The following DOCK3 variants were observed in gnomAD, a reference collection of about 807,000 sequenced individuals.
DOCK3 encodes the protein dedicator of cytokinesis 3, also known as dedicator of cytokinesis protein 3.
In DOCK3, 60 loss-of-function variants were observed where a neutral mutation model predicts 265.6. The ratio of observed to expected loss-of-function variants is 0.23; its 90% CI spans 0.18 to 0.28. The LOEUF (loss-of-function observed/expected upper bound fraction) is 0.28, where lower values mean the gene tolerates loss of function less well. Ranked by LOEUF, DOCK3 falls within the 10% of genes least tolerant of loss-of-function variation. DOCK3 has a pLI of 1.00. For missense variants in DOCK3, 1,981 were observed against 2,594.3 expected, an observed-to-expected ratio of 0.76 and a Z score of 5.14; for synonymous variants, 881 against 938.0, an observed-to-expected ratio of 0.94 and a Z score of 1.11.
chr3:50,800,510 C>G (rs957324098), intron 2 of DOCK3, among the ~76,000 whole-genome samples: 12 of 151,982 alleles, frequency 7.9e-5, no homozygotes, highest in African/African-American at 2.4e-5. Context: ...TTTGTATTTC[C>G]ATGGCTCCTG....
intron 9 of DOCK3, among the ~76,000 whole-genome samples, chr3:51,131,710 C>G (rs2084558896): frequency 6.6e-6 from 1 of 152,166 alleles, no homozygotes; most frequent in Non-Finnish European, 1.5e-5. Context: ...TCAGACTATT[C>G]TGATTGCCAC....
intron 1 of DOCK3, among the ~76,000 whole-genome samples, chr3:50,695,273 C>G (rs2035538076): frequency 6.6e-6 from 1 of 152,220 alleles, no homozygotes; most frequent in Non-Finnish European, 1.5e-5. Flanking sequence ...AGAAGGAACT[C>G]AGTTCTTCAC....
intron 2 of DOCK3, among the ~76,000 whole-genome samples, chr3:50,785,611 C>T (rs569476565): frequency 4.6e-5 from 7 of 152,250 alleles, no homozygotes; most frequent in East Asian, 3.9e-4. Flanking sequence ...TAGTATATCA[C>T]GTTTATTGAC....
At chr3:51,346,020 T>C (rs2085539252) in intron 38 of DOCK3, among the ~76,000 whole-genome samples, 1 of 152,184 alleles carries the variant, frequency 6.6e-6, no homozygotes, top group African/African-American at 2.4e-5. Context: ...TCTTCTAGTC[T>C]CTCTACTTTT....
chr3:50,790,798 C>T (rs754244935), intron 2 of DOCK3, among the ~76,000 whole-genome samples: 1 of 151,946 alleles, frequency 6.6e-6, no homozygotes, highest in African/African-American at 2.4e-5. Context: ...TGTGCCTGGG[C>T]GATGATCTTC....
intron 4 of DOCK3, among the ~76,000 whole-genome samples, chr3:50,902,023 C>T (rs2049230356): frequency 6.6e-6 from 1 of 152,150 alleles, no homozygotes; most frequent in African/African-American, 2.4e-5. Context: ...TGAATGTCTC[C>T]TTTTGGGAAA....
At chr3:51,113,249 T>C (rs1257386357) in intron 9 of DOCK3, among the ~76,000 whole-genome samples, 6 of 152,042 alleles carry the variant, frequency 3.9e-5, no homozygotes, top group Non-Finnish European at 8.8e-5. Context: ...ATCACAGAAA[T>C]AGGGCATGGC....
At chr3:50,845,092 G>A (rs964165689) in intron 3 of DOCK3, among the ~76,000 whole-genome samples, 1 of 152,034 alleles carries the variant, frequency 6.6e-6, no homozygotes, top group African/African-American at 2.4e-5. Flanking sequence ...GCTTGGTGGT[G>A]CACTCCTGTG....
chr3:50,912,880 A>T (rs1157082997), intron 4 of DOCK3, among the ~76,000 whole-genome samples: 3 of 152,074 alleles, frequency 2.0e-5, no homozygotes, highest in Non-Finnish European at 4.4e-5. Context: ...ACAGCTCCAG[A>T]AATGCCATCC....
At chr3:51,270,426 G>A (rs1191080553) in intron 23 of DOCK3, among the ~76,000 whole-genome samples, 1 of 151,996 alleles carries the variant, frequency 6.6e-6, no homozygotes, top group Non-Finnish European at 1.5e-5. Context: ...ACTTTCTTGA[G>A]TTTGGAACCA....
intron 23 of DOCK3, among the ~76,000 whole-genome samples, chr3:51,263,802 CAA>C (rs2080000574): frequency 6.6e-6 from 1 of 152,116 alleles, no homozygotes; most frequent in Non-Finnish European, 1.5e-5. Flanking sequence ...TTTAAACCAA[CAA>C]AGATCATAAA....
chr3:51,021,960 C>T (rs947319530), intron 5 of DOCK3, among the ~76,000 whole-genome samples: 6 of 152,026 alleles, frequency 3.9e-5, no homozygotes, highest in East Asian at 1.9e-4. Context: ...CACACCTGGC[C>T]GAGAATTTAC....
intron 5 of DOCK3, among the ~76,000 whole-genome samples, chr3:50,972,662 T>C (rs900882704): frequency 6.6e-6 from 1 of 152,328 alleles, no homozygotes; most frequent in East Asian, 1.9e-4. Flanking sequence ...CTGCAATTCA[T>C]GTGGGTGCGG....
At position 51,333,158 on chromosome 3, in the gene DOCK3, C is replaced by T. The variant is rs764327940; in HGVS notation, c.3516C>T (p.Ser1172=). 193 of 1,613,852 alleles carry T rather than the reference C, an allele frequency of 1.2e-4. No homozygotes were observed. The highest frequency in any genetic ancestry group is 1.6e-4 in the Non-Finnish European group (193 of 1,179,876). The change falls in exon 35 of 53, where the codon AGC becomes AGT. Residue 1172 remains serine (S), a splice_region_variant and synonymous_variant. Coordinates refer to ENST00000266037, the MANE Select transcript of DOCK3 (RefSeq NM_004947.5). ...GCTTTCTCCACCCCTCCACCAATAG[C>T]CTGCTGGAGAAGGTTGAACAAGAAA... is the stretch of plus-strand genomic sequence containing the variant. ...LLTQLFGPYP[S]LLEKVEQETW...
At chr3:50,982,636 C>T (rs2077735593) in intron 5 of DOCK3, among the ~76,000 whole-genome samples, 1 of 152,194 alleles carries the variant, frequency 6.6e-6, no homozygotes, top group South Asian at 2.1e-4. Flanking sequence ...GGAGGTGGAG[C>T]TGGGCCTGGG....
At chr3:51,070,973 G>A (rs529577415) in intron 6 of DOCK3, among the ~76,000 whole-genome samples, 17 of 152,264 alleles carry the variant, frequency 1.1e-4, no homozygotes, top group South Asian at 2.1e-4. Flanking sequence ...CCCCCGATCC[G>A]TGGAAAAATT....
intron 2 of DOCK3, among the ~76,000 whole-genome samples, chr3:50,791,357 G>A (rs930419342): frequency 3.4e-5 from 5 of 148,546 alleles, no homozygotes; most frequent in African/African-American, 9.9e-5. Context: ...TCTGCCTCCC[G>A]GGTTCAAGTG....
chr3:50,712,549 G>A (rs576875170), intron 1 of DOCK3, among the ~76,000 whole-genome samples: 3 of 152,200 alleles, frequency 2.0e-5, no homozygotes, highest in East Asian at 1.9e-4. Context: ...TATTGGCCAG[G>A]CTGGTCTCAA....
chr3:51,002,882 T>A (rs927002117), intron 5 of DOCK3, among the ~76,000 whole-genome samples: 1 of 152,190 alleles, frequency 6.6e-6, no homozygotes, highest in Non-Finnish European at 1.5e-5. Flanking sequence ...CCTCAAAGTA[T>A]TTGAAAAGAA....
Sources: gnomAD v4.1 joint callset for allele counts (sites outside exome capture counted in the v4.1 genomes callset) on GRCh38, gnomAD v4.1.1 for gene constraint, MANE v1.5 for transcripts, NCBI Gene and HGNC (gene_info 2026-07-23, HGNC 2026-07-21) for gene names.